SYNE1: variants seen among roughly 807,000 people sequenced by gnomAD.
The protein encoded by SYNE1 is nesprin-1.
Under a neutral mutation model 1,111.0 loss-of-function variants are expected in SYNE1, and 616 were observed. That is an observed-to-expected ratio of 0.55 (90% CI 0.52 to 0.59). SYNE1 has a LOEUF of 0.59. SYNE1 is among the 20% of genes least tolerant of loss of function. The probability of loss-of-function intolerance (pLI) is 0.00; values close to 1 mark genes in which losing one functional copy is unlikely to be tolerated. For missense variants in SYNE1, 10,006 were observed against 10,417.0 expected (o/e 0.96, Z 1.72); for synonymous variants, 3,855 against 3,825.8 (o/e 1.01, Z -0.28).
In SYNE1 at chr6:152,352,234, A is replaced by G. The variant is rs749157254; in HGVS notation, c.11373T>C (p.His3791=). 16 of 1,613,994 alleles carry G rather than the reference A, an allele frequency of 9.9e-6. No individual in the cohort carries two copies. The South Asian group carries it at 1.5e-4, about 16-fold the overall frequency. The change falls in exon 70 of 146, where the codon CAT becomes CAC. Residue 3791 remains histidine (H), a synonymous_variant. Transcript: ENST00000367255. ...GEAERLRKEI[H]DHMEQLKELT... ...GTTCCTTCAACTGCTCCATGTGATC[A>G]TGAATCTCCTTTCTTAACCTCTCTG...
chr6:152,293,913 G>T (rs1167393878), intron 94 of SYNE1, 47 bp downstream of exon 94: 7 of 1,613,148 alleles, frequency 4.3e-6, no homozygotes, highest in Non-Finnish European at 5.1e-6. Flanking sequence ...AATCGCTAAG[G>T]TTACTGGTGT....
chr6:152,620,055 C>T (rs2099671935), intron 3 of SYNE1, among the ~76,000 whole-genome samples: 1 of 152,112 alleles, frequency 6.6e-6, no homozygotes, highest in Non-Finnish European at 1.5e-5. Context: ...CCGGCTCAGA[C>T]CTGATATTTA....
Position 152,372,493 on chromosome 6 carries a change from T to C in SYNE1, c.9507+544A>G, listed in dbSNP as rs569243293. On this transcript the variant is annotated intron_variant, in intron 59 of 145. Coordinates refer to ENST00000367255, the MANE Select transcript of SYNE1 (RefSeq NM_182961.4). ...AAGAGTCGATACATAAAATAGATAG[T>C]CTCAGACGGAAAAAAAATAATTATA... Among the ~76,000 whole-genome samples, 3 of 152,274 alleles carry C rather than the reference T, an allele frequency of 2.0e-5. 1 individual carries two copies. The South Asian group carries it at 6.2e-4, about 32-fold the overall frequency.
chr6:152,492,888 T>C (rs925887615), intron 11 of SYNE1, among the ~76,000 whole-genome samples: 4 of 152,038 alleles, frequency 2.6e-5, no homozygotes, highest in African/African-American at 9.7e-5. Context: ...CCTTTAAAAC[T>C]CCCCCACTCT....
At chr6:152,629,670 C>T (rs1036600777) in intron 2 of SYNE1, among the ~76,000 whole-genome samples, 22 of 151,668 alleles carry the variant, frequency 1.5e-4, no homozygotes, top group Non-Finnish European at 2.2e-4. Context: ...GAAGGTATTG[C>T]CATAAACGAA....
At chr6:152,494,774 C>T (rs1269968425) in intron 11 of SYNE1, among the ~76,000 whole-genome samples, 2 of 152,182 alleles carry the variant, frequency 1.3e-5, no homozygotes, top group African/African-American at 4.8e-5. Context: ...TGCTTTACTT[C>T]CAAAGGAAGC....
intron 12 of SYNE1, among the ~76,000 whole-genome samples, chr6:152,486,551 G>A (rs1440802323): frequency 6.6e-6 from 1 of 152,040 alleles, no homozygotes; most frequent in Non-Finnish European, 1.5e-5. Flanking sequence ...TTTGATAATT[G>A]GTGCCAAACC....
chr6:152,225,820 A>G lies in SYNE1; in HGVS notation c.21252T>C (p.Asn7084=), dbSNP rs1358197809. ...TCTTGTTCTGAATCAAAGCAAGTCC[A>G]TTCTGCTCAATTTTCTCTACTTCTT... is the stretch of plus-strand genomic sequence containing the variant. ...KEKEVEKIEQ[N]GLALIQNKKE... is the part of the protein sequence containing the mutation. Residue 7084 remains asparagine (N), a synonymous_variant, in exon 116 of 146, where the codon AAT becomes AAC. Transcript: ENST00000367255. 1 of 1,613,944 alleles carries G rather than the reference A, an allele frequency of 6.2e-7. No individual in the cohort carries two copies. Among genetic ancestry groups the G allele is most frequent in the Non-Finnish European group, 8.5e-7 (1 of 1,180,008 alleles).
chr6:152,460,785 T>C (rs1240819135), intron 21 of SYNE1, among the ~76,000 whole-genome samples: 9 of 130,720 alleles, frequency 6.9e-5, no homozygotes, highest in Non-Finnish European at 1.1e-4. Flanking sequence ...AGAAAAGGTA[T>C]AAATGTATAT....
chr6:152,385,554 A>G (rs2097513577), intron 55 of SYNE1, 120 bp downstream of exon 55: 4 of 1,141,336 alleles, frequency 3.5e-6, no homozygotes, highest in Non-Finnish European at 5.1e-6. Context: ...TCAGTGAGGC[A>G]TCAAATAGAA....
At chr6:152,451,373 A>C (rs1592977055) in intron 25 of SYNE1, among the ~76,000 whole-genome samples, 168 bp from the exon 26 acceptor site, 1 of 151,558 alleles carries the variant, frequency 6.6e-6, no homozygotes, top group Non-Finnish European at 1.5e-5. Flanking sequence ...TATTTTTCCA[A>C]GTACCAGGAC....
At position 152,241,527 on chromosome 6, in the gene SYNE1, T is replaced by TGTGTGTGTGTGTGTGTGTGTGTGTGTGA. The variant is rs59737931; in HGVS notation, c.19893+712_19893+713insTCACACACACACACACACACACACACAC. Among the ~76,000 whole-genome samples, 164 of 145,126 alleles carry TGTGTGTGTGTGTGTGTGTGTGTGTGTGA rather than the reference T, an allele frequency of 1.1e-3. 5 individuals carry two copies. The highest frequency in any genetic ancestry group is 1.4e-3 in the African/African-American group (52 of 38,308). ...GTGTGTGTGTGTGTGTGTGTGTGTG[T>TGTGTGTGTGTGTGTGTGTGTGTGTGTGA]GTGAAATACGCATTCTTCTACCATG... On this transcript the variant is annotated intron_variant, in intron 107 of 145. Coordinates refer to ENST00000367255, the MANE Select transcript of SYNE1 (RefSeq NM_182961.4).
chr6:152,506,524 T>TTAC (rs2099059053), intron 8 of SYNE1, among the ~76,000 whole-genome samples: 1 of 151,566 alleles, frequency 6.6e-6, no homozygotes, highest in Non-Finnish European at 1.5e-5. Context: ...TAAGTGTCCA[T>TTAC]TATTATTATT....
chr6:152,214,622 C>T (rs1418853739), intron 122 of SYNE1, among the ~76,000 whole-genome samples: 4 of 152,220 alleles, frequency 2.6e-5, no homozygotes, highest in African/African-American at 9.6e-5. Context: ...AAGATTCACA[C>T]AGCGTTCAGC....
chr6:152,557,836 A>G (rs1295365278), intron 3 of SYNE1, among the ~76,000 whole-genome samples: 1 of 152,134 alleles, frequency 6.6e-6, no homozygotes, highest in Admixed American at 6.6e-5. Flanking sequence ...TTGAGTTAAA[A>G]TAAAAGAAAG....
chr6:152,563,215 C>T (rs781221971), intron 3 of SYNE1, among the ~76,000 whole-genome samples: 3 of 152,052 alleles, frequency 2.0e-5, no homozygotes, highest in Admixed American at 6.6e-5. Flanking sequence ...CTAATTCAGT[C>T]GTATCTAAAC....
At chr6:152,583,654 C>T (rs758882688) in intron 3 of SYNE1, among the ~76,000 whole-genome samples, 2 of 152,186 alleles carry the variant, frequency 1.3e-5, no homozygotes, top group African/African-American at 2.4e-5. Flanking sequence ...ATCCCCCTAT[C>T]AGCCTCCAAT....
rs2099704265 is a variant in SYNE1, at chr6:152,635,307, A to G, written c.-224+1331T>C. On this transcript the variant is annotated intron_variant, in intron 2 of 145. Transcript: ENST00000367255. ...CAAATATTTCCAAAGCCTAGCAAAT[A>G]TTGTTATCTGGGTCAGTCTGAAGCT... Among the ~76,000 whole-genome samples, 8 of 152,202 alleles carry G rather than the reference A, an allele frequency of 5.3e-5. No individual in the cohort carries two copies. The South Asian group carries it at 1.4e-3, about 28-fold the overall frequency.
chr6:152,355,128 C>G, intron 66 of SYNE1, 152 bp from the exon 67 acceptor site: 5 of 815,312 alleles, frequency 6.1e-6, no homozygotes, highest in Admixed American at 2.3e-5. Flanking sequence ...ATGTCCCTAA[C>G]CATATTTTCT....
Sources: gnomAD v4.1 joint callset for allele counts (sites outside exome capture counted in the v4.1 genomes callset) on GRCh38, gnomAD v4.1.1 for gene constraint, MANE v1.5 for transcripts, NCBI Gene and HGNC (gene_info 2026-07-23, HGNC 2026-07-21) for gene names.